DNAH3: variants seen among roughly 807,000 people sequenced by gnomAD.
The protein encoded by DNAH3 is dynein axonemal heavy chain 3, also known as axonemal beta dynein heavy chain 3.
A neutral mutation model predicts 432.5 loss-of-function variants in DNAH3; 332 were observed. The ratio of observed to expected loss-of-function variants is 0.77; its 90% CI spans 0.70 to 0.84. DNAH3 has a LOEUF of 0.84. DNAH3 is among the 40% of genes least tolerant of loss of function. The pLI, the probability that DNAH3 is intolerant of heterozygous loss-of-function variation, is 0.00. For synonymous variants in DNAH3, 1,956 were observed against 1,900.2 expected (o/e 1.03, Z -0.76); for missense variants, 4,861 against 5,114.0 (o/e 0.95, Z 1.51).
Position 20,985,289 on chromosome 16 carries a change from TG to T in DNAH3, c.7452del (p.Lys2485ArgfsTer25), listed in dbSNP as rs2152669140. 2 of 1,614,204 alleles carry T rather than the reference TG, an allele frequency of 1.2e-6. No individual in the cohort carries two copies. Among genetic ancestry groups the T allele is most frequent in the Non-Finnish European group, 1.7e-6 (2 of 1,180,024 alleles). On this transcript the variant is annotated frameshift_variant, in exon 48 of 62. Coordinates refer to ENST00000261383, the Ensembl canonical transcript of DNAH3. LOFTEE classifies it high-confidence loss of function. Reference sequence around the variant, plus strand: ...TCGGCGAAGAGGAACACGGTGCTCTTGGTGGCCACACCGACCTGCAGTATGA... The same window carrying T: ...TCGGCGAAGAGGAACACGGTGCTCTTGTGGCCACACCGACCTGCAGTATGA...
chr16:21,051,989 AT>A, intron 28 of DNAH3, 121 bp from the exon 29 acceptor site: 1 of 750,160 alleles, frequency 1.3e-6, no homozygotes, highest in Non-Finnish European at 2.1e-6. Context: ...ATTTTATTTT[AT>A]TTTATTTTAT....
intron 41 of DNAH3, among the ~76,000 whole-genome samples, chr16:21,007,026 C>G (rs957270808): frequency 1.3e-5 from 2 of 152,144 alleles, no homozygotes; most frequent in African/African-American, 2.4e-5. Flanking sequence ...TTTTACATTT[C>G]CATTATGGTA....
intron 41 of DNAH3, among the ~76,000 whole-genome samples, chr16:21,003,722 C>A (rs758659821): frequency 2.0e-5 from 3 of 152,068 alleles, no homozygotes; most frequent in Non-Finnish European, 4.4e-5. Flanking sequence ...TTGCAGTGAG[C>A]CGAGATTGTG....
At chr16:21,036,942 A>T (rs2152728675) in intron 34 of DNAH3, 94 bp from the exon 35 acceptor site, 1 of 1,015,380 alleles carries the variant, frequency 9.8e-7, no homozygotes, top group East Asian at 2.5e-5. Flanking sequence ...AACAACAGAG[A>T]TCTTTGAAAA....
chr16:21,115,600 G>A (rs2092173369), intron 12 of DNAH3, among the ~76,000 whole-genome samples: 1 of 151,794 alleles, frequency 6.6e-6, no homozygotes, highest in Non-Finnish European at 1.5e-5. Flanking sequence ...CCAACTACTT[G>A]GGAGGCTGAG....
In DNAH3 at chr16:21,019,856, T is replaced by C. The variant is rs139762368; in HGVS notation, c.5790A>G (p.Ala1930=). 59 of 1,614,108 alleles carry C rather than the reference T, an allele frequency of 3.7e-5. No homozygotes were observed. In the Middle Eastern group the frequency reaches 1.3e-3, roughly 36 times the overall value. ...CTAATTCCATTTCCTCCTCTTCTAC[T>C]GCCCTGATTTCATCTAAAAGTGAGA... The change falls in exon 41 of 62, where the codon GCA becomes GCG. Residue 1930 remains alanine, a synonymous_variant. Transcript: ENST00000261383.
At chr16:21,036,046 T>C (rs563134440) in intron 35 of DNAH3, among the ~76,000 whole-genome samples, 94 of 152,300 alleles carry the variant, frequency 6.2e-4, no homozygotes, top group African/African-American at 2.2e-3. Context: ...GGTGAACTAA[T>C]TTGCCTAAAA....
At chr16:21,049,331 T>A (rs1225007137) in intron 31 of DNAH3, among the ~76,000 whole-genome samples, 1 of 152,182 alleles carries the variant, frequency 6.6e-6, no homozygotes, top group Non-Finnish European at 1.5e-5. Flanking sequence ...TAGTAGCTGC[T>A]CAGTAGCTAC....
chr16:21,067,733 C>T (rs12934547), intron 23 of DNAH3, among the ~76,000 whole-genome samples: 26,704 of 105,980 alleles, frequency 0.25, 3,225 homozygotes, highest in East Asian at 0.43. Context: ...CTCTGTGTGA[C>T]GGAGTGATAG....
intron 18 of DNAH3, among the ~76,000 whole-genome samples, chr16:21,090,167 A>C (rs556281840): frequency 6.6e-6 from 1 of 152,190 alleles, no homozygotes; most frequent in South Asian, 2.1e-4. Flanking sequence ...ACTATTGAAG[A>C]AATTGAATTT....
At chr16:21,104,260 T>G in intron 16 of DNAH3, 1 of 500,124 alleles carries the variant, frequency 2.0e-6, no homozygotes. Context: ...AGGGAAGACA[T>G]TAGCAGAGGT....
At chr16:21,041,910 T>C in intron 32 of DNAH3, 117 bp downstream of exon 32, 1 of 1,149,402 alleles carries the variant, frequency 8.7e-7, no homozygotes, top group Non-Finnish European at 1.3e-6. Context: ...TGACCTCAGG[T>C]GATTTGCCCA....
chr16:21,122,548 A>G (rs1173681606), intron 9 of DNAH3, among the ~76,000 whole-genome samples: 1 of 152,152 alleles, frequency 6.6e-6, no homozygotes, highest in Non-Finnish European at 1.5e-5. Flanking sequence ...GTGAAACTCC[A>G]TCTCAAAAAA....
At chr16:20,964,756 T>C in exon 53 of DNAH3, 1 of 1,614,160 alleles carries the variant, frequency 6.2e-7, no homozygotes, top group Non-Finnish European at 8.5e-7. Flanking sequence ...CCCTAACGTG[T>C]GGCTGAGACT....
chr16:20,956,671 C>G (rs2084578881), intron 54 of DNAH3, among the ~76,000 whole-genome samples: 1 of 151,952 alleles, frequency 6.6e-6, no homozygotes, highest in East Asian at 1.9e-4. Flanking sequence ...ACATTCTTTT[C>G]TTTTTTTTAA....
intron 44 of DNAH3, among the ~76,000 whole-genome samples, chr16:20,994,983 G>C (rs990609105): frequency 2.6e-5 from 4 of 151,938 alleles, no homozygotes; most frequent in African/African-American, 2.4e-5. Context: ...CACCCAGGTT[G>C]GAGTATTGTG....
At chr16:21,146,949 G>A (rs759659068) in intron 1 of DNAH3, among the ~76,000 whole-genome samples, 17 of 151,904 alleles carry the variant, frequency 1.1e-4, no homozygotes, top group Admixed American at 8.5e-4. Context: ...TAGTAGAGAC[G>A]GGGTTTCATC....
intron 8 of DNAH3, among the ~76,000 whole-genome samples, chr16:21,126,682 G>C (rs1358243368): frequency 4.6e-5 from 7 of 152,162 alleles, no homozygotes; most frequent in Non-Finnish European, 1.0e-4. Context: ...AGGCTGCACA[G>C]CAGGAGGTGA....
chr16:21,141,435 C>T, intron 3 of DNAH3, 63 bp from the exon 5 acceptor site: 1 of 1,229,682 alleles, frequency 8.1e-7, no homozygotes. Flanking sequence ...TCTCCGTCCA[C>T]AGGGGCATGA....
Sources: allele counts gnomAD v4.1 joint callset (sites outside exome capture counted in the v4.1 genomes callset), GRCh38; gene constraint gnomAD v4.1.1; transcripts MANE v1.5; gene names NCBI Gene and HGNC (gene_info 2026-07-23, HGNC 2026-07-21).